ARHGEF37: variants seen among roughly 807,000 people sequenced by gnomAD.
ARHGEF37 encodes Rho guanine nucleotide exchange factor 37.
A neutral mutation model predicts 71.1 loss-of-function variants in ARHGEF37; 55 were observed. The ratio of observed to expected loss-of-function variants is 0.77; its 90% CI spans 0.62 to 0.97. The LOEUF is 0.97. Among genes scored for constraint, ARHGEF37 ranks in the 50% least tolerant of loss-of-function variants. ARHGEF37 has a pLI of 0.00. For synonymous variants in ARHGEF37, 327 were observed against 350.6 expected (o/e 0.93, Z 0.75); for missense variants, 765 against 836.8 (o/e 0.91, Z 1.06).
At chr5:149,619,348 A>G (rs193102022) in intron 7 of ARHGEF37, among the ~76,000 whole-genome samples, 1 of 152,322 alleles carries the variant, frequency 6.6e-6, no homozygotes, top group Non-Finnish European at 1.5e-5. Flanking sequence ...ACAGGTGCCT[A>G]AAGGGGCCAG....
intron 3 of ARHGEF37, among the ~76,000 whole-genome samples, chr5:149,604,542 C>T (rs541314193): frequency 6.6e-6 from 1 of 152,072 alleles, no homozygotes; most frequent in Non-Finnish European, 1.5e-5. Flanking sequence ...ACCCACATGG[C>T]TTTTCTTCTC....
intron 10 of ARHGEF37, 186 bp from the exon 11 acceptor site, chr5:149,626,890 C>T (rs1312190396): frequency 6.5e-6 from 3 of 464,054 alleles, no homozygotes; most frequent in South Asian, 7.2e-5. Context: ...TCCAAAACGC[C>T]GTAGGCTGCT....
At chr5:149,559,704 G>A (rs923137533) in intron 1 of ARHGEF37, among the ~76,000 whole-genome samples, 39 of 152,130 alleles carry the variant, frequency 2.6e-4, no homozygotes, top group African/African-American at 9.2e-4. Context: ...GATTAAACCC[G>A]TATTCATGGA....
At chr5:149,596,650 G>C (rs1350462003) in intron 1 of ARHGEF37, among the ~76,000 whole-genome samples, 6 of 152,218 alleles carry the variant, frequency 3.9e-5, no homozygotes, top group Admixed American at 2.0e-4. Context: ...AGGAGTTTCA[G>C]AGAAGAAAAG....
At chr5:149,626,182 C>T (rs920779441) in intron 10 of ARHGEF37, among the ~76,000 whole-genome samples, 4 of 151,404 alleles carry the variant, frequency 2.6e-5, no homozygotes, top group Non-Finnish European at 5.9e-5. Context: ...AAGGGCATCT[C>T]TGCCTGCCTC....
intron 9 of ARHGEF37, among the ~76,000 whole-genome samples, chr5:149,622,553 A>G (rs549928932): frequency 6.6e-6 from 1 of 152,308 alleles, no homozygotes; most frequent in South Asian, 2.1e-4. Context: ...CAGAGGAGGT[A>G]TAATTATACT....
At position 149,609,763 on chromosome 5, in the gene ARHGEF37, C is replaced by T; in HGVS notation, c.458+68C>T. The T allele has an allele frequency of 4.4e-6, 7 of 1,594,362 alleles. No individual in the cohort carries two copies. The South Asian group carries it at 6.7e-5, about 15-fold the overall frequency. On this transcript the variant is annotated intron_variant, in intron 4 of 12. Transcript: ENST00000333677. The stretch of plus-strand genomic sequence containing the variant: ...CCCGGTTCAGGAGCAGCTATGGTCT[C>T]ACCCCTTTTTCATGCCATTCGTGCT...
chr5:149,608,432 G>A (rs1480621368), intron 3 of ARHGEF37, among the ~76,000 whole-genome samples: 8 of 151,222 alleles, frequency 5.3e-5, no homozygotes, highest in East Asian at 2.0e-4. Flanking sequence ...GTGCAGTGGC[G>A]CGATCTCAGC....
chr5:149,614,337 C>T (rs1036018348), intron 4 of ARHGEF37, among the ~76,000 whole-genome samples: 1 of 151,984 alleles, frequency 6.6e-6, no homozygotes, highest in Non-Finnish European at 1.5e-5. Context: ...AGTTGATACT[C>T]CCACCAAGAG....
chr5:149,613,842 C>T (rs1309561941), intron 4 of ARHGEF37, among the ~76,000 whole-genome samples: 2 of 151,108 alleles, frequency 1.3e-5, no homozygotes, highest in African/African-American at 2.4e-5. Context: ...CAGCTCACTG[C>T]AGCCTTGACC....
At chr5:149,583,400 T>G (rs780404362) in intron 1 of ARHGEF37, among the ~76,000 whole-genome samples, 2 of 152,286 alleles carry the variant, frequency 1.3e-5, no homozygotes, top group East Asian at 3.9e-4. Flanking sequence ...CCTCCCAAAG[T>G]GCTGGGATTA....
intron 1 of ARHGEF37, among the ~76,000 whole-genome samples, chr5:149,576,232 G>C (rs750884485): frequency 4.6e-5 from 7 of 152,224 alleles, no homozygotes; most frequent in Non-Finnish European, 8.8e-5. Flanking sequence ...GTGACAAAGC[G>C]AGACTCCGTC....
chr5:149,609,605 C>T lies in ARHGEF37; in HGVS notation c.368C>T (p.Ala123Val), dbSNP rs752450261. The T allele has an allele frequency of 1.9e-6, 3 of 1,613,804 alleles. No individual in the cohort carries two copies. Among genetic ancestry groups the T allele is most frequent in the South Asian group, 2.2e-5 (2 of 91,070 alleles). ...ELEQVYKVYC[A>V]SYDQALLLVD... ...GAGCAAGTCTATAAGGTCTACTGTG[C>T]CAGCTACGACCAGGCCTTGCTACTG... The change falls in exon 4 of 13, where the codon GCC becomes GTC. Residue 123 changes from alanine to valine, a missense_variant. Ala to Val is a moderately conservative substitution (Grantham distance 64, BLOSUM62 0). Around this residue, in one of 5 missense-constraint regions of ARHGEF37, gnomAD observed 201 missense variants for 217.5 expected, o/e 0.92. Transcript: ENST00000333677.
Position 149,622,057 on chromosome 5 carries a change from G to T in ARHGEF37, c.1330G>T (p.Ala444Ser), listed in dbSNP as rs908469154. The change falls in exon 9 of 13, where the codon GCC (alanine) becomes TCC (serine). Residue 444 changes from alanine to serine, a missense_variant. Ala to Ser is a moderately conservative substitution (Grantham distance 99, BLOSUM62 1). Around this residue, in one of 5 missense-constraint regions of ARHGEF37, gnomAD observed 390 missense variants for 407.4 expected, o/e 0.96. Coordinates refer to ENST00000333677, the MANE Select transcript of ARHGEF37 (RefSeq NM_001001669.3). ...GCTGCAGAGGGCAGAGGGAAGCATG[G>T]CCCAGGTAAGGCCTCTGAGACTTGG... ...QVLQRAEGSM[A>S]QLPHHHVPEP... The T allele has an allele frequency of 6.2e-7, 1 of 1,606,402 alleles. No individual in the cohort carries two copies. Among genetic ancestry groups the T allele is most frequent in the East Asian group, 2.2e-5 (1 of 44,678 alleles).
At chr5:149,618,398 A>G (rs2113366284) in intron 6 of ARHGEF37, 92 bp downstream of exon 6, 2 of 1,552,960 alleles carry the variant, frequency 1.3e-6, no homozygotes, top group East Asian at 4.6e-5. Context: ...GGCTCCTTTC[A>G]GAACTGAGGC....
At chr5:149,563,605 G>T (rs968152508) in intron 1 of ARHGEF37, among the ~76,000 whole-genome samples, 1 of 152,200 alleles carries the variant, frequency 6.6e-6, no homozygotes, top group African/African-American at 2.4e-5. Context: ...CTCTGCTGCT[G>T]TTATTATTAG....
At position 149,632,059 on chromosome 5, in the gene ARHGEF37, G is replaced by T. The variant is rs1282805086; in HGVS notation, c.1896G>T (p.Leu632=). Residue 632 remains leucine (L), a synonymous_variant, in exon 13 of 13, where the codon CTG becomes CTT. Transcript: ENST00000333677. ...AGGCAGGCCAGCCTGTGACCATCCT[G>T]GAGGCCCAGGACAAGAAGGGGAACC... ...SLQAGQPVTI[L]EAQDKKGNPE... 5.0e-6 allele frequency: 8 copies of T among 1,614,142 alleles called. No homozygotes were observed. The highest frequency in any genetic ancestry group is 6.8e-6 in the Non-Finnish European group (8 of 1,180,060).
At chr5:149,567,406 A>T (rs546677405) in intron 1 of ARHGEF37, among the ~76,000 whole-genome samples, 1 of 152,134 alleles carries the variant, frequency 6.6e-6, no homozygotes, top group African/African-American at 2.4e-5. Context: ...CAAAGTTACC[A>T]TTTCCCCTTT....
chr5:149,576,565 G>A (rs746860931), upstream of ARHGEF37, among the ~76,000 whole-genome samples: 11 of 152,156 alleles, frequency 7.2e-5, no homozygotes, highest in Non-Finnish European at 1.5e-4. Flanking sequence ...TGTGATAAAC[G>A]TTTAGCCACC....
Sources: gnomAD v4.1 joint callset for allele counts (sites outside exome capture counted in the v4.1 genomes callset) on GRCh38, gnomAD v4.1.1 for gene constraint, gnomAD v4.1.1 regional missense constraint, MANE v1.5 for transcripts, NCBI Gene and HGNC (gene_info 2026-07-23, HGNC 2026-07-21) for gene names.